Variants in SEPTIN14 observed in about 807,000 individuals in gnomAD.
SEPTIN14 encodes the protein septin-14.
SEPTIN14 carries 40 observed loss-of-function variants against 53.6 expected under a neutral mutation model. The ratio of observed to expected loss-of-function variants is 0.75; its 90% confidence interval spans 0.58 to 0.97. The LOEUF (loss-of-function observed/expected upper bound fraction) is 0.97, where lower values mean the gene tolerates loss of function less well. Among genes scored for constraint, SEPTIN14 ranks in the 50% least tolerant of loss-of-function variants. The pLI is 0.00. For synonymous variants in SEPTIN14, 138 were observed against 166.8 expected (o/e 0.83, Z 1.33); for missense variants, 471 against 508.2 (o/e 0.93, Z 0.70).
intron 2 of SEPTIN14, among the ~76,000 whole-genome samples, chr7:55,849,182 C>A (rs929505298): frequency 4.0e-5 from 6 of 150,860 alleles, no homozygotes; most frequent in African/African-American, 1.5e-4. Flanking sequence ...AAAATGAACC[C>A]GGCATGGTGG....
chr7:55,805,020 A>G (rs1168360632), intron 9 of SEPTIN14, among the ~76,000 whole-genome samples: 1 of 152,178 alleles, frequency 6.6e-6, no homozygotes, highest in Non-Finnish European at 1.5e-5. Context: ...TAAATAAAAC[A>G]TAATTTTTAT....
intron 6 of SEPTIN14, among the ~76,000 whole-genome samples, chr7:55,825,452 T>C (rs1236297121): frequency 1.3e-5 from 2 of 152,154 alleles, no homozygotes; most frequent in Non-Finnish European, 2.9e-5. Flanking sequence ...TTGAAACCCA[T>C]ACAATGTTCA....
intron 5 of SEPTIN14, among the ~76,000 whole-genome samples, chr7:55,838,604 A>T (rs918204613): frequency 1.4e-5 from 2 of 138,270 alleles, no homozygotes; most frequent in Non-Finnish European, 3.0e-5. Context: ...TTCAACGGGG[A>T]CTTGCTCTAT....
Position 55,814,154 on chromosome 7 carries a change from C to T in SEPTIN14, c.817+4973G>A, listed in dbSNP as rs536104489. 7.9e-5 allele frequency among the ~76,000 whole-genome samples: 12 copies of T among 152,306 alleles called. No individual in the cohort carries two copies. In the East Asian group the frequency reaches 1.7e-3, roughly 22 times the overall value. ...CACTGAGGCAGTACGAGTCTGCTGGCGTCACAGTGTTACTGGGCTTGGGGT... is the reference window on the plus strand; with the variant it reads ...CACTGAGGCAGTACGAGTCTGCTGGTGTCACAGTGTTACTGGGCTTGGGGT... On this transcript the variant is annotated intron_variant, in intron 7 of 9. Transcript: ENST00000388975.
At chr7:55,825,974 C>T (rs973231682) in intron 6 of SEPTIN14, among the ~76,000 whole-genome samples, 3 of 152,028 alleles carry the variant, frequency 2.0e-5, no homozygotes, top group Non-Finnish European at 2.9e-5. Context: ...TGGTGGCAGG[C>T]GCCTGTAGTC....
At chr7:55,850,632 G>T (rs1278712864) in intron 2 of SEPTIN14, among the ~76,000 whole-genome samples, 2 of 152,014 alleles carry the variant, frequency 1.3e-5, no homozygotes, top group Non-Finnish European at 2.9e-5. Context: ...CTTAACAACT[G>T]AAATATTGAA....
At chr7:55,797,108 G>A (rs1253085450) in intron 9 of SEPTIN14, among the ~76,000 whole-genome samples, 1 of 151,886 alleles carries the variant, frequency 6.6e-6, no homozygotes, top group East Asian at 1.9e-4. Flanking sequence ...GGGCAACAGA[G>A]AGAGACTCCA....
chr7:55,810,222 T>TC (rs1442072107), intron 7 of SEPTIN14, among the ~76,000 whole-genome samples: 14 of 50,300 alleles, frequency 2.8e-4, no homozygotes, highest in Non-Finnish European at 2.3e-4. Context: ...AGAGATGCTA[T>TC]TTTTTTCATA....
At chr7:55,796,326 C>T (rs561180612) in intron 9 of SEPTIN14, among the ~76,000 whole-genome samples, 58 of 151,980 alleles carry the variant, frequency 3.8e-4, no homozygotes, top group African/African-American at 1.1e-3. Flanking sequence ...TGCAGTGGCG[C>T]GATCTCAGCT....
intron 5 of SEPTIN14, among the ~76,000 whole-genome samples, chr7:55,836,125 T>C (rs1052876718): frequency 1.3e-5 from 2 of 152,160 alleles, no homozygotes; most frequent in Non-Finnish European, 2.9e-5. Flanking sequence ...CAAACAAATA[T>C]GTTCATTTTT....
chr7:55,842,096 C>A (rs535117385), intron 5 of SEPTIN14, among the ~76,000 whole-genome samples: 1 of 152,056 alleles, frequency 6.6e-6, no homozygotes, highest in Non-Finnish European at 1.5e-5. Context: ...CTACAGTATT[C>A]CGTACAGTAC....
intron 9 of SEPTIN14, among the ~76,000 whole-genome samples, chr7:55,804,757 G>A (rs13239121): frequency 1.5e-3 from 228 of 152,210 alleles, no homozygotes; most frequent in Non-Finnish European, 5.1e-4. Flanking sequence ...CACCAAAAAC[G>A]TATTTGTGGC....
chr7:55,834,878 C>T (rs1014784914), intron 5 of SEPTIN14, among the ~76,000 whole-genome samples: 1 of 152,126 alleles, frequency 6.6e-6, no homozygotes, highest in South Asian at 2.1e-4. Flanking sequence ...ATCTCCTGAC[C>T]TCGTGATCCG....
intron 6 of SEPTIN14, among the ~76,000 whole-genome samples, chr7:55,830,564 C>G (rs181082452): frequency 6.7e-6 from 1 of 150,218 alleles, no homozygotes; most frequent in Non-Finnish European, 1.5e-5. Flanking sequence ...AGGATAGTCT[C>G]GATTTCCTGA....
intron 9 of SEPTIN14, among the ~76,000 whole-genome samples, chr7:55,802,816 A>C (rs1427964297): frequency 2.0e-5 from 3 of 152,170 alleles, no homozygotes; most frequent in African/African-American, 7.2e-5. Flanking sequence ...GAAACAAACT[A>C]TGAAATGTGA....
chr7:55,818,986 T>G lies in SEPTIN14; in HGVS notation c.817+141A>C, dbSNP rs193200372. 6.1e-4 allele frequency: 373 copies of G among 608,896 alleles called. 3 individuals are homozygous for G. In the African/African-American group the frequency reaches 6.2e-3, roughly 10 times the overall value. 37.7% of individuals were successfully genotyped at this position (608,896 alleles called of 1,614,324 possible). ...ATTAGTTTAAATAAAACAGAGTTTGTGTTCCCCATTAGTAACTGTTAACTT... is the reference window on the plus strand; with the variant it reads ...ATTAGTTTAAATAAAACAGAGTTTGGGTTCCCCATTAGTAACTGTTAACTT... On this transcript the variant is annotated intron_variant, in intron 7 of 9. Transcript: ENST00000388975.
At chr7:55,821,710 G>A (rs570051896) in intron 6 of SEPTIN14, among the ~76,000 whole-genome samples, 1 of 152,264 alleles carries the variant, frequency 6.6e-6, no homozygotes, top group South Asian at 2.1e-4. Context: ...AGCTACTGTG[G>A]ATAATAATGC....
chr7:55,854,946 G>GA (rs1789588124), intron 2 of SEPTIN14, among the ~76,000 whole-genome samples: 1 of 149,324 alleles, frequency 6.7e-6, no homozygotes, highest in Admixed American at 6.7e-5. Flanking sequence ...GTGGAGAGCA[G>GA]AAAAAAGACA....
intron 2 of SEPTIN14, among the ~76,000 whole-genome samples, chr7:55,849,329 A>T (rs1159778656): frequency 3.9e-5 from 6 of 151,916 alleles, no homozygotes; most frequent in Admixed American, 2.6e-4. Context: ...CATCTCAAAA[A>T]TAAATAAATA....
Sources: allele counts gnomAD v4.1 joint callset (sites outside exome capture counted in the v4.1 genomes callset), GRCh38; gene constraint gnomAD v4.1.1; transcripts MANE v1.5; gene names NCBI Gene and HGNC (gene_info 2026-07-23, HGNC 2026-07-21).